CNTLN: variants seen among roughly 807,000 people sequenced by gnomAD.
CNTLN encodes centlein, also known as centlein, centrosomal protein.
CNTLN carries 212 observed loss-of-function variants against 180.0 expected under a neutral mutation model. The ratio of observed to expected loss-of-function variants is 1.18; its 90% CI spans 1.05 to 1.32. The LOEUF is 1.32. CNTLN is among the 40% of genes most tolerant of loss of function. CNTLN has a pLI of 0.00. For synonymous variants in CNTLN, 722 were observed against 563.1 expected (o/e 1.28, Z -3.99); for missense variants, 2,095 against 1,610.9 (o/e 1.30, Z -5.14).
chr9:17,376,823 T>G (rs960415786), intron 13 of CNTLN, among the ~76,000 whole-genome samples: 3 of 152,132 alleles, frequency 2.0e-5, no homozygotes, highest in Non-Finnish European at 4.4e-5. Flanking sequence ...GAGTGTCATA[T>G]TTTTGAAAAA....
At chr9:17,325,766 C>T (rs1820248889) in intron 8 of CNTLN, among the ~76,000 whole-genome samples, 1 of 151,782 alleles carries the variant, frequency 6.6e-6, no homozygotes, top group African/African-American at 2.4e-5. Flanking sequence ...AATGCTTAGC[C>T]AGAGGTAGGA....
chr9:17,351,543 T>C (rs992291919), intron 12 of CNTLN, among the ~76,000 whole-genome samples: 11 of 152,186 alleles, frequency 7.2e-5, no homozygotes, highest in African/African-American at 2.7e-4. Flanking sequence ...ACCATGGTGT[T>C]ATAAGTTTAT....
intron 8 of CNTLN, among the ~76,000 whole-genome samples, chr9:17,323,288 C>T (rs1820046237): frequency 6.6e-6 from 1 of 152,142 alleles, no homozygotes; most frequent in South Asian, 2.1e-4. Flanking sequence ...GGAATACAGC[C>T]TACTGCGCTT....
At chr9:17,326,888 A>G (rs373466924) in intron 8 of CNTLN, among the ~76,000 whole-genome samples, 2 of 152,184 alleles carry the variant, frequency 1.3e-5, no homozygotes, top group African/African-American at 4.8e-5. Flanking sequence ...AAGGAGCTCT[A>G]GGAGATATAG....
chr9:17,199,296 C>T (rs2131864563), intron 2 of CNTLN, among the ~76,000 whole-genome samples: 1 of 147,094 alleles, frequency 6.8e-6, no homozygotes, highest in Non-Finnish European at 1.5e-5. Context: ...ACTGCAACCT[C>T]TGCCTCCCGG....
At chr9:17,462,781 A>G (rs988924847) in intron 19 of CNTLN, 135 bp from the exon 20 acceptor site, 5 of 407,652 alleles carry the variant, frequency 1.2e-5, no homozygotes, top group African/African-American at 1.0e-4. Flanking sequence ...CATTTAAAAT[A>G]TTAAAATATT....
Position 17,259,718 on chromosome 9 carries a change from C to T in CNTLN, c.850-14015C>T, listed in dbSNP as rs1008576124. ...TTTAGTCTTGGGAGAGTGTATGTGT[C>T]GAGGAATTTATCCATTTCTTCTAGA... On this transcript the variant is annotated intron_variant, in intron 5 of 25. Transcript: ENST00000380647. Among the ~76,000 whole-genome samples the T allele has an allele frequency of 1.3e-3, 190 of 150,622 alleles. 5 individuals are homozygous for T. In the East Asian group the frequency reaches 0.017, roughly 14 times the overall value.
At chr9:17,301,121 G>T in intron 7 of CNTLN, 1 of 985,382 alleles carries the variant, frequency 1.0e-6, no homozygotes, top group Non-Finnish European at 1.2e-6. Flanking sequence ...TTGCTGAGAA[G>T]ATAAGATATC....
chr9:17,499,115 C>G (rs188860676), intron 25 of CNTLN, among the ~76,000 whole-genome samples: 31 of 152,230 alleles, frequency 2.0e-4, no homozygotes, highest in African/African-American at 7.0e-4. Flanking sequence ...AACAAATAAG[C>G]AGACCATGTG....
At chr9:17,185,772 TGTG>T (rs1563859364) in intron 2 of CNTLN, among the ~76,000 whole-genome samples, 1 of 65,384 alleles carries the variant, frequency 1.5e-5, no homozygotes, top group Non-Finnish European at 2.6e-5. Flanking sequence ...GTTTCCCATT[TGTG>T]TGTGTGTGTG....
intron 7 of CNTLN, among the ~76,000 whole-genome samples, chr9:17,307,976 A>G (rs1326025840): frequency 3.5e-5 from 3 of 86,260 alleles, no homozygotes; most frequent in Non-Finnish European, 6.8e-5. Context: ...TTAAAACCAC[A>G]CACACACACA....
rs1822827621 is a variant in CNTLN, at chr9:17,356,145, T to A, written c.1887-10472T>A. Among the ~76,000 whole-genome samples, 5 of 151,836 alleles carry A rather than the reference T, an allele frequency of 3.3e-5. 1 individual carries two copies. In the South Asian group the frequency reaches 1.0e-3, roughly 32 times the overall value. On this transcript the variant is annotated intron_variant, in intron 12 of 25. Coordinates refer to ENST00000380647, the MANE Select transcript of CNTLN (RefSeq NM_017738.4). ...ATCATAAGTCAAGAGCAAATCAGAA[T>A]ATTAAGGTCAGAGATAATAGTTTAA...
the CNTLN span, among the ~76,000 whole-genome samples, chr9:17,528,094 A>G: frequency 6.6e-6 from 1 of 152,138 alleles, no homozygotes; most frequent in Non-Finnish European, 1.5e-5. Context: ...AAACATAGAT[A>G]TGTTTCCAAG....
At chr9:17,421,344 T>C (rs1828709741) in intron 18 of CNTLN, among the ~76,000 whole-genome samples, 1 of 152,086 alleles carries the variant, frequency 6.6e-6, no homozygotes. Context: ...TCTCTTTATA[T>C]TTTTTTGTCT....
intron 2 of CNTLN, among the ~76,000 whole-genome samples, chr9:17,215,734 C>T (rs1019487852): frequency 6.6e-6 from 1 of 152,232 alleles, no homozygotes; most frequent in African/African-American, 2.4e-5. Flanking sequence ...TGTTTACCTA[C>T]TCAAGCCTCA....
chr9:17,501,539 CA>C (rs1426339237), intron 25 of CNTLN, among the ~76,000 whole-genome samples: 1 of 152,212 alleles, frequency 6.6e-6, no homozygotes, highest in Non-Finnish European at 1.5e-5. Flanking sequence ...AGGACCCAGA[CA>C]AAGGCCGTTA....
chr9:17,522,404 C>T, the CNTLN span, among the ~76,000 whole-genome samples: 1 of 152,164 alleles, frequency 6.6e-6, no homozygotes, highest in Non-Finnish European at 1.5e-5. Context: ...ACCTGGCCGA[C>T]CTGGAAATTA....
chr9:17,480,852 G>A (rs989285790), intron 23 of CNTLN, among the ~76,000 whole-genome samples: 7 of 152,312 alleles, frequency 4.6e-5, no homozygotes, highest in Non-Finnish European at 8.8e-5. Flanking sequence ...CAGCCAAAAT[G>A]TAACTTTGAA....
intron 7 of CNTLN, chr9:17,302,129 C>CACACACACACAG (rs1818411632): frequency 1.0e-6 from 1 of 971,258 alleles, no homozygotes; most frequent in South Asian, 4.8e-5. Context: ...CAGACACACA[C>CACACACACACAG]ACACTGACCT....
Sources: gnomAD v4.1 joint callset for allele counts (sites outside exome capture counted in the v4.1 genomes callset) on GRCh38, gnomAD v4.1.1 for gene constraint, MANE v1.5 for transcripts, NCBI Gene and HGNC (gene_info 2026-07-23, HGNC 2026-07-21) for gene names.